Variants in PRKCA observed in about 807,000 individuals in gnomAD.
PRKCA encodes protein kinase C alpha type.
A neutral mutation model predicts 87.0 loss-of-function variants in PRKCA; 27 were observed. The observed-to-expected ratio is 0.31, with a 90% CI of 0.23 to 0.43. The LOEUF (loss-of-function observed/expected upper bound fraction) is 0.43. Ranked by LOEUF, PRKCA falls within the 20% of genes least tolerant of loss-of-function variation. The pLI is 1.00. For synonymous variants in PRKCA, 329 were observed against 311.1 expected, an observed-to-expected ratio of 1.06 and a Z score of -0.61; for missense variants, 518 against 852.3, an observed-to-expected ratio of 0.61 and a Z score of 4.88.
At chr17:66,704,707 A>G (rs1386918021) in intron 8 of PRKCA, among the ~76,000 whole-genome samples, 1 of 152,238 alleles carries the variant, frequency 6.6e-6, no homozygotes, top group Non-Finnish European at 1.5e-5. Flanking sequence ...TCAAATGTGT[A>G]TCTGTTTTTA....
At chr17:66,406,361 A>G (rs1010772466) in intron 2 of PRKCA, among the ~76,000 whole-genome samples, 2 of 152,198 alleles carry the variant, frequency 1.3e-5, no homozygotes, top group African/African-American at 4.8e-5. Context: ...AGTTCTTTAT[A>G]AAAAGATCCC....
intron 3 of PRKCA, among the ~76,000 whole-genome samples, chr17:66,594,409 ATTACTT>A (rs1451823877): frequency 6.6e-6 from 1 of 152,154 alleles, no homozygotes; most frequent in Admixed American, 6.5e-5. Context: ...AAAGCTGTAG[ATTACTT>A]GTCCAGATGG....
At chr17:66,796,941 C>T in intron 16 of PRKCA, 1 of 985,402 alleles carries the variant, frequency 1.0e-6, no homozygotes, top group African/African-American at 1.7e-5. Context: ...TGCAACATCC[C>T]TTTACTCTTT....
intron 3 of PRKCA, among the ~76,000 whole-genome samples, chr17:66,515,555 C>T (rs748389214): frequency 1.3e-5 from 2 of 151,828 alleles, no homozygotes; most frequent in Admixed American, 6.6e-5. Flanking sequence ...TCTTTTTTTG[C>T]GGGGGGTAGG....
At chr17:66,578,157 A>G (rs957399122) in intron 3 of PRKCA, among the ~76,000 whole-genome samples, 2 of 151,820 alleles carry the variant, frequency 1.3e-5, no homozygotes, top group African/African-American at 4.8e-5. Context: ...AAACAAAACA[A>G]AACAGCCCTC....
intron 3 of PRKCA, among the ~76,000 whole-genome samples, chr17:66,608,090 TTGAAGCACACCGATTGGAGCACACCGAC>T (rs1287427163): frequency 1.3e-5 from 2 of 151,998 alleles, no homozygotes; most frequent in African/African-American, 4.8e-5. Context: ...TTGGAATACA[TTGAAGCACACCGATTGGAGCACACCGAC>T]TGAAGCACAC....
chr17:66,418,543 C>A (rs575985864), intron 2 of PRKCA, among the ~76,000 whole-genome samples: 1 of 151,248 alleles, frequency 6.6e-6, no homozygotes, highest in African/African-American at 2.4e-5. Flanking sequence ...TCAAGCAATT[C>A]TCCTGCCTCA....
At chr17:66,686,162 C>T (rs968188369) in intron 5 of PRKCA, among the ~76,000 whole-genome samples, 4 of 152,168 alleles carry the variant, frequency 2.6e-5, no homozygotes, top group Non-Finnish European at 5.9e-5. Context: ...TTATCTTTTA[C>T]GTTGACGTGC....
chr17:66,635,767 A>G (rs1478095519), intron 3 of PRKCA, among the ~76,000 whole-genome samples: 1 of 152,206 alleles, frequency 6.6e-6, no homozygotes, highest in Non-Finnish European at 1.5e-5. Context: ...GGAATTATGC[A>G]TGTAAAATCT....
chr17:66,754,728 C>T (rs926623729), intron 13 of PRKCA, among the ~76,000 whole-genome samples: 10 of 151,908 alleles, frequency 6.6e-5, no homozygotes, highest in African/African-American at 1.5e-4. Context: ...TGGGCCAAGT[C>T]GATTAGATGA....
At chr17:66,712,317 A>G (rs188405327) in intron 8 of PRKCA, among the ~76,000 whole-genome samples, 3 of 152,088 alleles carry the variant, frequency 2.0e-5, no homozygotes, top group Non-Finnish European at 4.4e-5. Flanking sequence ...CTGGAACCCT[A>G]TTTGGGACCC....
intron 1 of PRKCA, 133 bp from the exon 2 acceptor site, chr17:66,305,963 T>A: frequency 1.2e-6 from 1 of 834,418 alleles, no homozygotes; most frequent in African/African-American, 1.7e-5. Flanking sequence ...TTTAGGTATG[T>A]TTTTTTCTAT....
chr17:66,796,525 TAAATGAGCA>T lies in PRKCA; in HGVS notation c.1855-7345_1855-7337del, dbSNP rs368372447. On this transcript the variant is annotated intron_variant, in intron 16 of 16. Transcript: ENST00000413366. ...GCACGTTTCCAGAACCTTGGGTGAC[TAAATGAGCA>T]AACTAACCCCACTTTATAACCCTTA... is the stretch of plus-strand genomic sequence containing the variant. 346 of 985,370 alleles carry T rather than the reference TAAATGAGCA, an allele frequency of 3.5e-4. No individual in the cohort carries two copies. The African/African-American group carries it at 5.8e-3, about 16-fold the overall frequency. 61.0% of individuals were successfully genotyped at this position (985,370 alleles called of 1,614,324 possible). A position where few individuals can be genotyped will look rare whatever the true frequency, so the allele number is the denominator to read the frequency against.
intron 14 of PRKCA, chr17:66,774,587 C>A: frequency 1.0e-6 from 1 of 979,878 alleles, no homozygotes; most frequent in Non-Finnish European, 1.2e-6. Flanking sequence ...TGCCACTGCA[C>A]TGCAGCCTGG....
intron 5 of PRKCA, among the ~76,000 whole-genome samples, chr17:66,672,775 A>G (rs905017579): frequency 1.3e-5 from 2 of 152,214 alleles, no homozygotes; most frequent in African/African-American, 4.8e-5. Flanking sequence ...GACATTTAAA[A>G]TGTTTTCAAA....
rs747860021 is a variant in PRKCA at position 66,741,665 on chromosome 17, T to C, written c.1329T>C (p.Tyr443=). The C allele has an allele frequency of 6.2e-7, 1 of 1,614,070 alleles. No homozygotes were observed. Among genetic ancestry groups the C allele is most frequent in the South Asian group, 1.1e-5 (1 of 91,078 alleles). Residue 443 remains tyrosine (Y), a synonymous_variant, in exon 12 of 17, where the codon TAT becomes TAC. Transcript: ENST00000413366. ...AGCCCGTTTTCTTTTGCAGATTCTA[T>C]GCGGCAGAGATTTCCATCGGATTGT... is the stretch of plus-strand genomic sequence containing the variant. ...GKFKEPQAVF[Y]AAEISIGLFF...
chr17:66,331,805 G>A (rs1456741058), intron 2 of PRKCA, among the ~76,000 whole-genome samples: 1 of 152,148 alleles, frequency 6.6e-6, no homozygotes, highest in African/African-American at 2.4e-5. Context: ...TCTGGTCTCT[G>A]CCCCATCTGT....
At chr17:66,395,032 CT>C (rs1042989230) in intron 2 of PRKCA, among the ~76,000 whole-genome samples, 35 of 152,094 alleles carry the variant, frequency 2.3e-4, no homozygotes, top group African/African-American at 8.2e-4. Flanking sequence ...TGGGTTTAAA[CT>C]TTTTTTTAAA....
chr17:66,618,423 TAC>T (rs1254140184), intron 3 of PRKCA, among the ~76,000 whole-genome samples: 1 of 151,894 alleles, frequency 6.6e-6, no homozygotes, highest in African/African-American at 2.4e-5. Flanking sequence ...AGTGTATACA[TAC>T]AGTCTTTACT....
Sources: gnomAD v4.1 joint callset for allele counts (sites outside exome capture counted in the v4.1 genomes callset) on GRCh38, gnomAD v4.1.1 for gene constraint, MANE v1.5 for transcripts, NCBI Gene and HGNC (gene_info 2026-07-23, HGNC 2026-07-21) for gene names.